Variants in MYO5C observed in about 807,000 individuals in gnomAD.
The protein encoded by MYO5C is unconventional myosin-Vc.
In MYO5C, 194 loss-of-function variants were observed where a neutral mutation model predicts 235.7. The observed-to-expected ratio is 0.82, with a 90% CI of 0.73 to 0.93. MYO5C has a LOEUF of 0.93. Among genes scored for constraint, MYO5C ranks in the 40% least tolerant of loss-of-function variants. The pLI is 0.00. For synonymous variants in MYO5C, 707 were observed against 754.8 expected, an observed-to-expected ratio of 0.94 and a Z score of 1.04; for missense variants, 2,038 against 2,127.2, an observed-to-expected ratio of 0.96 and a Z score of 0.82.
chr15:52,263,437 A>C (rs1389744300), intron 9 of MYO5C, among the ~76,000 whole-genome samples: 1 of 152,206 alleles, frequency 6.6e-6, no homozygotes, highest in African/African-American at 2.4e-5. Context: ...CCAGGAAGCC[A>C]GCACCACTGA....
In MYO5C at chr15:52,260,349, C is replaced by T. The variant is rs9806134; in HGVS notation, c.1313+513G>A. On this transcript the variant is annotated intron_variant, in intron 10 of 40. Coordinates refer to ENST00000261839, the MANE Select transcript of MYO5C (RefSeq NM_018728.4). ...GACCTGGGTTCAGTCCACCTCTGGC[C>T]GCTGGGCTTGGGCAAGGTGCAAGCC... Among the ~76,000 whole-genome samples the T allele has an allele frequency of 7.1e-3, 1,088 of 152,260 alleles. 11 individuals carry two copies. Among genetic ancestry groups the T allele is most frequent in the African/African-American group, 0.025 (1,046 of 41,538 alleles).
intron 16 of MYO5C, among the ~76,000 whole-genome samples, chr15:52,246,647 C>T (rs930940216): frequency 6.6e-6 from 1 of 152,204 alleles, no homozygotes; most frequent in African/African-American, 2.4e-5. Flanking sequence ...CATACTCATT[C>T]TTCTTTTAAT....
At chr15:52,203,738 C>CT (rs904393561) in intron 38 of MYO5C, among the ~76,000 whole-genome samples, 5 of 152,050 alleles carry the variant, frequency 3.3e-5, no homozygotes, top group Non-Finnish European at 2.9e-5. Context: ...TTCTTTCTCT[C>CT]TTTTTTTTGT....
intron 39 of MYO5C, among the ~76,000 whole-genome samples, chr15:52,196,003 G>A (rs1161947804): frequency 6.1e-5 from 7 of 114,840 alleles, no homozygotes; most frequent in African/African-American, 2.1e-4. Context: ...TTGGTAGAGC[G>A]TCTTGTTATG....
chr15:52,249,660 G>A (rs934262729), intron 13 of MYO5C, among the ~76,000 whole-genome samples: 1 of 152,160 alleles, frequency 6.6e-6, no homozygotes, highest in Non-Finnish European at 1.5e-5. Flanking sequence ...TACCTGGATT[G>A]TTGTACAAAT....
chr15:52,213,054 G>T, intron 34 of MYO5C, 134 bp downstream of exon 34: 1 of 647,488 alleles, frequency 1.5e-6, no homozygotes, highest in Non-Finnish European at 2.8e-6. Flanking sequence ...CTGAGGTTGA[G>T]AAACTCTGGG....
chr15:52,224,009 G>T (rs144095647), intron 28 of MYO5C, among the ~76,000 whole-genome samples: 1 of 152,156 alleles, frequency 6.6e-6, no homozygotes, highest in East Asian at 1.9e-4. Context: ...CTGGCCAGAC[G>T]CAGTGGCTCA....
intron 19 of MYO5C, chr15:52,242,878 T>G (rs984945338): frequency 8.5e-5 from 13 of 152,226 alleles, no homozygotes; most frequent in Admixed American, 2.6e-4. Context: ...GGGACCAGCA[T>G]GAGTAAAGGC....
chr15:52,261,314 G>A (rs935105547), intron 9 of MYO5C, among the ~76,000 whole-genome samples, 187 bp from the exon 10 acceptor site: 2 of 152,258 alleles, frequency 1.3e-5, no homozygotes, highest in Non-Finnish European at 2.9e-5. Context: ...ACAGCAGCAC[G>A]GGTCCTGCAC....
chr15:52,225,565 A>C (rs2035802816), intron 25 of MYO5C, 33 bp from the exon 26 acceptor site: 42 of 1,441,752 alleles, frequency 2.9e-5, no homozygotes, highest in Non-Finnish European at 3.9e-5. Context: ...TCAGGTAAAG[A>C]AAAAACAACG....
intron 23 of MYO5C, 36 bp from the exon 24 acceptor site, chr15:52,232,721 C>T: frequency 1.3e-6 from 2 of 1,535,292 alleles, no homozygotes; most frequent in Non-Finnish European, 1.8e-6. Flanking sequence ...ATATGTCTGC[C>T]AAATCAATGC....
At chr15:52,247,419 T>C in intron 15 of MYO5C, 39 bp downstream of exon 15, 2 of 1,605,968 alleles carry the variant, frequency 1.2e-6, no homozygotes, top group East Asian at 2.2e-5. Flanking sequence ...GGCCTGGCCC[T>C]GCCTTTAGAC....
chr15:52,239,013 G>A (rs974993553), intron 21 of MYO5C, among the ~76,000 whole-genome samples: 7 of 151,282 alleles, frequency 4.6e-5, no homozygotes, highest in South Asian at 2.1e-4. Flanking sequence ...GTGCAGTGGC[G>A]CCATCTTGGC....
At chr15:52,201,219 C>T (rs2035180433) in intron 38 of MYO5C, among the ~76,000 whole-genome samples, 2 of 151,848 alleles carry the variant, frequency 1.3e-5, no homozygotes, top group African/African-American at 4.8e-5. Context: ...CAAAGAAATC[C>T]ACACCCAGAC....
intron 1 of MYO5C, among the ~76,000 whole-genome samples, chr15:52,291,743 T>TTTTTG (rs2037397420): frequency 1.1e-5 from 1 of 93,818 alleles, no homozygotes; most frequent in African/African-American, 3.7e-5. Flanking sequence ...TTTTTTTTTT[T>TTTTTG]TTTTTTTTTT....
chr15:52,223,502 T>C lies in MYO5C; in HGVS notation c.3627+42A>G, dbSNP rs747185313. The C allele has an allele frequency of 1.3e-5, 20 of 1,579,726 alleles. No homozygotes were observed. In the African/African-American group the frequency reaches 2.4e-4, roughly 19 times the overall value. On this transcript the variant is annotated intron_variant, in intron 29 of 40. Transcript: ENST00000261839. ...TGACGCCACTGACAAAGAACAACTC[T>C]AGTATGATGGCCACGACTGGGGCCC... is the stretch of plus-strand genomic sequence containing the variant.
intron 1 of MYO5C, among the ~76,000 whole-genome samples, chr15:52,289,037 C>T (rs1335435484): frequency 3.3e-5 from 5 of 152,168 alleles, no homozygotes; most frequent in African/African-American, 9.7e-5. Flanking sequence ...CAAGATGGGA[C>T]GACATGTGTT....
intron 2 of MYO5C, among the ~76,000 whole-genome samples, chr15:52,282,192 C>T (rs2037173749): frequency 6.6e-6 from 1 of 152,184 alleles, no homozygotes; most frequent in South Asian, 2.1e-4. Flanking sequence ...ACAGAGGCAC[C>T]TCATAATGTC....
chr15:52,204,488 C>T (rs1038994400), intron 38 of MYO5C, among the ~76,000 whole-genome samples: 1 of 152,060 alleles, frequency 6.6e-6, no homozygotes, highest in African/African-American at 2.4e-5. Context: ...CTATTCTGAG[C>T]TTCTCAAAGG....
Sources: gnomAD v4.1 joint callset for allele counts (sites outside exome capture counted in the v4.1 genomes callset) on GRCh38, gnomAD v4.1.1 for gene constraint, MANE v1.5 for transcripts, NCBI Gene and HGNC (gene_info 2026-07-23, HGNC 2026-07-21) for gene names.